ITPR2: variants seen among roughly 807,000 people sequenced by gnomAD.
ITPR2 encodes inositol 1,4,5-trisphosphate-gated calcium channel ITPR2.
Under a neutral mutation model 317.1 loss-of-function variants are expected in ITPR2, and 207 were observed. The ratio of observed to expected loss-of-function variants is 0.65; its 90% CI spans 0.58 to 0.73. The LOEUF is 0.73. Ranked by LOEUF, ITPR2 falls within the 30% of genes least tolerant of loss-of-function variation. ITPR2 has a pLI of 0.00. For missense variants in ITPR2, 2,613 were observed against 3,284.0 expected (o/e 0.80, Z 4.99); for synonymous variants, 1,156 against 1,149.1 (o/e 1.01, Z -0.12).
chr12:26,598,464 T>C (rs1945907518), intron 30 of ITPR2, among the ~76,000 whole-genome samples: 1 of 152,206 alleles, frequency 6.6e-6, no homozygotes, highest in Admixed American at 6.5e-5. Flanking sequence ...GAGAACCATT[T>C]GGTCACAGAG....
chr12:26,791,932 C>G (rs1310721575), intron 1 of ITPR2, among the ~76,000 whole-genome samples: 1 of 152,128 alleles, frequency 6.6e-6, no homozygotes, highest in Non-Finnish European at 1.5e-5. Context: ...ATTTACAGCA[C>G]ATAAAAATTA....
intron 39 of ITPR2, among the ~76,000 whole-genome samples, chr12:26,489,584 G>T (rs1942751525): frequency 6.6e-6 from 1 of 152,128 alleles, no homozygotes; most frequent in Non-Finnish European, 1.5e-5. Flanking sequence ...TTGAATATTA[G>T]CCAAGTTAAT....
chr12:26,589,851 T>TAC (rs1166855137), intron 32 of ITPR2, among the ~76,000 whole-genome samples: 1,546 of 49,448 alleles, frequency 0.031, 187 homozygotes, highest in African/African-American at 0.047. Context: ...TATATATATA[T>TAC]ATACACACAC....
intron 28 of ITPR2, among the ~76,000 whole-genome samples, chr12:26,602,040 A>G (rs1346696965): frequency 6.6e-6 from 1 of 152,240 alleles, no homozygotes; most frequent in Admixed American, 6.5e-5. Flanking sequence ...TTAAATAAAC[A>G]TGACAACCGA....
rs35660888 is a variant in ITPR2, at chr12:26,398,057, G to GGTGTGTGT, written c.7696+811_7696+818dup. ...GATGACAGGAGAAGGGGAGGGGAGTGGTGTGTGTGTGTGTGTGTGTGTGTG... is the reference window on the plus strand; with the variant it reads ...GATGACAGGAGAAGGGGAGGGGAGTGGTGTGTGTGTGTGTGTGTGTGTGTGTGTGTGTG... On this transcript the variant is annotated intron_variant, in intron 54 of 56. Transcript: ENST00000381340. 4.3e-3 allele frequency among the ~76,000 whole-genome samples: 580 copies of GGTGTGTGT among 135,056 alleles called. 6 individuals carry two copies. The highest frequency in any genetic ancestry group is 0.011 in the African/African-American group (386 of 35,170). The allele number at this position is 135,056 out of a possible 152,430, so 88.6% of individuals were successfully genotyped here.
chr12:26,479,763 A>G (rs1942504128), intron 43 of ITPR2, among the ~76,000 whole-genome samples: 1 of 152,092 alleles, frequency 6.6e-6, no homozygotes. Context: ...AAAAATACAA[A>G]CTAATCTCTT....
At chr12:26,396,183 T>G (rs1433878109) in intron 54 of ITPR2, among the ~76,000 whole-genome samples, 3 of 151,808 alleles carry the variant, frequency 2.0e-5, no homozygotes, top group Non-Finnish European at 4.4e-5. Context: ...AGCTGTCACA[T>G]AAAGAGAAAA....
intron 43 of ITPR2, 76 bp from the exon 44 acceptor site, chr12:26,477,083 T>C (rs1942434981): frequency 2.0e-5 from 18 of 906,924 alleles, no homozygotes; most frequent in Admixed American, 1.9e-4. Context: ...TTTGTTTTAA[T>C]TGAGATTACT....
chr12:26,535,338 C>T (rs935588862), intron 37 of ITPR2, among the ~76,000 whole-genome samples: 5 of 152,068 alleles, frequency 3.3e-5, no homozygotes, highest in Non-Finnish European at 5.9e-5. Flanking sequence ...ATTTAGTGTA[C>T]GGTCGAGGTC....
At chr12:26,399,251 G>C (rs868832126) in intron 53 of ITPR2, among the ~76,000 whole-genome samples, 2 of 152,350 alleles carry the variant, frequency 1.3e-5, no homozygotes, top group Admixed American at 6.5e-5. Context: ...CTCTAGGACT[G>C]ACACATGTCT....
chr12:26,452,025 G>A lies in ITPR2; in HGVS notation c.6343-8375C>T, dbSNP rs373245144. Among the ~76,000 whole-genome samples, 56 of 152,090 alleles carry A rather than the reference G, an allele frequency of 3.7e-4. 1 individual carries two copies. The East Asian group carries it at 5.8e-3, about 16-fold the overall frequency. ...GTTTCTGGGACAGCTATATAGCATCGCCTGGAAGCATGTTAGAAATGCAAG... is the reference window on the plus strand; with the variant it reads ...GTTTCTGGGACAGCTATATAGCATCACCTGGAAGCATGTTAGAAATGCAAG... On this transcript the variant is annotated intron_variant, in intron 45 of 56. Coordinates refer to ENST00000381340, the MANE Select transcript of ITPR2 (RefSeq NM_002223.4).
chr12:26,400,463 T>C (rs1285869355), intron 52 of ITPR2, among the ~76,000 whole-genome samples: 1 of 152,028 alleles, frequency 6.6e-6, no homozygotes, highest in Non-Finnish European at 1.5e-5. Flanking sequence ...TATATGAATA[T>C]AATATTAAAA....
At position 26,439,337 on chromosome 12, in the gene ITPR2, C is replaced by G; in HGVS notation, c.6451-18G>C. ...CGGACAATCTGAAAACATTAATTTG[C>G]ATTGTTTTTAGCCTTTCGGACACCT... On this transcript the variant is annotated intron_variant, in intron 46 of 56. Coordinates refer to ENST00000381340, the MANE Select transcript of ITPR2 (RefSeq NM_002223.4). 5.1e-6 allele frequency: 8 copies of G among 1,577,640 alleles called. 1 individual carries two copies. The highest frequency in any genetic ancestry group is 6.9e-6 in the Non-Finnish European group (8 of 1,160,310).
At chr12:26,503,190 A>ACACACACACACACACACAC (rs10529227) in intron 37 of ITPR2, among the ~76,000 whole-genome samples, 13 of 139,120 alleles carry the variant, frequency 9.3e-5, no homozygotes, top group Non-Finnish European at 1.5e-4. Flanking sequence ...GCCCCCCACC[A>ACACACACACACACACACAC]ACACACACAC....
At chr12:26,702,408 T>A (rs55819939) in intron 9 of ITPR2, among the ~76,000 whole-genome samples, 1 of 30,182 alleles carries the variant, frequency 3.3e-5, no homozygotes, top group African/African-American at 2.6e-4. Flanking sequence ...GGGGCGGGGG[T>A]GGGGGGTTGG....
At position 26,481,193 on chromosome 12, in the gene ITPR2, A is replaced by C; in HGVS notation, c.6061T>G (p.Leu2021Val). ...ESNGIDIIIALILNDINPLGK... is the reference protein window; with the variant it reads ...ESNGIDIIIAVILNDINPLGK... ...AGAGGGTTTATGTCATTCAGAATCA[A>C]AGCAATGATGATATCAATCCCATTA... Residue 2021 changes from leucine to valine, a missense_variant, in exon 43 of 57, where the codon TTG becomes GTG. Transcript: ENST00000381340. 6.2e-7 allele frequency: 1 copy of C among 1,613,760 alleles called. No individual in the cohort carries two copies. Among genetic ancestry groups the C allele is most frequent in the South Asian group, 1.1e-5 (1 of 91,062 alleles).
intron 32 of ITPR2, among the ~76,000 whole-genome samples, chr12:26,586,172 T>G (rs1185980073): frequency 6.6e-6 from 1 of 152,174 alleles, no homozygotes; most frequent in Non-Finnish European, 1.5e-5. Flanking sequence ...AGAGACAGGG[T>G]CTTGCTCTGT....
At chr12:26,680,763 A>G (rs1238356794) in intron 13 of ITPR2, among the ~76,000 whole-genome samples, 1 of 152,160 alleles carries the variant, frequency 6.6e-6, no homozygotes, top group Non-Finnish European at 1.5e-5. Context: ...CCTCTATTCA[A>G]CTGGTGATGG....
intron 21 of ITPR2, among the ~76,000 whole-genome samples, chr12:26,642,885 C>G (rs1355286985): frequency 6.6e-6 from 1 of 152,174 alleles, no homozygotes. Context: ...TGAAGGTCTA[C>G]TCCCCAAGCT....
Sources: gnomAD v4.1 joint callset for allele counts (sites outside exome capture counted in the v4.1 genomes callset) on GRCh38, gnomAD v4.1.1 for gene constraint, MANE v1.5 for transcripts, NCBI Gene and HGNC (gene_info 2026-07-23, HGNC 2026-07-21) for gene names.